Variants in AHCY observed in about 807,000 individuals in gnomAD.
AHCY encodes the protein adenosylhomocysteinase, also known as S-adenosyl-L-homocysteine hydrolase.
A neutral mutation model predicts 45.4 loss-of-function variants in AHCY; 24 were observed. The observed-to-expected ratio is 0.53, with a 90% CI of 0.38 to 0.74. The LOEUF is 0.74. Among genes scored for constraint, AHCY ranks in the 30% least tolerant of loss-of-function variants. AHCY has a pLI of 0.00. For synonymous variants in AHCY, 245 were observed against 235.1 expected, an observed-to-expected ratio of 1.04 and a Z score of -0.39; for missense variants, 449 against 594.1, an observed-to-expected ratio of 0.76 and a Z score of 2.54.
At chr20:34,257,070 C>CTTTTTTTTTTTTTTTTTTTTTTTT in the AHCY span, among the ~76,000 whole-genome samples, 3 of 139,442 alleles carry the variant, frequency 2.2e-5, no homozygotes, top group Non-Finnish European at 3.1e-5. Context: ...CTTTCTTTCT[C>CTTTTTTTTTTTTTTTTTTTTTTTT]TTTTTTTTTT....
chr20:34,288,277 G>C (rs2036253270), intron 8 of AHCY, among the ~76,000 whole-genome samples: 1 of 152,192 alleles, frequency 6.6e-6, no homozygotes, highest in African/African-American at 2.4e-5. Context: ...CTGTGACTGG[G>C]TGGGTGTCAG....
At chr20:34,238,210 A>G in the AHCY span, among the ~76,000 whole-genome samples, 6 of 152,254 alleles carry the variant, frequency 3.9e-5, no homozygotes, top group African/African-American at 1.4e-4. Flanking sequence ...GGAAGTCTTA[A>G]TCAATGTTTC....
At chr20:34,309,899 A>G (rs1286682321) in intron 1 of AHCY, among the ~76,000 whole-genome samples, 1 of 146,684 alleles carries the variant, frequency 6.8e-6, no homozygotes, top group Non-Finnish European at 1.5e-5. Context: ...GGAAGGAGGG[A>G]GGGAGGAAGG....
At chr20:34,298,424 C>G (rs2122800892) in intron 1 of AHCY, among the ~76,000 whole-genome samples, 1 of 152,094 alleles carries the variant, frequency 6.6e-6, no homozygotes, top group Non-Finnish European at 1.5e-5. Flanking sequence ...TGAGGTGTGA[C>G]CAGAAGACAA....
the AHCY span, among the ~76,000 whole-genome samples, chr20:34,240,900 C>T: frequency 6.6e-6 from 1 of 152,132 alleles, no homozygotes; most frequent in East Asian, 1.9e-4. Context: ...GACCACAAGA[C>T]TTCTGGCAAC....
At position 34,285,582 on chromosome 20, in the gene AHCY, C is replaced by A. The variant is rs1057522470; in HGVS notation, c.1025G>T (p.Gly342Val). ...GGCACAACCCAGGTTGACCAGCCGA[C>A]CCTCGGCCAGCAGGATGATGCGGCG... ...NGRRIILLAEGRLVNLGCAMG... is the reference protein window; with the variant it reads ...NGRRIILLAEVRLVNLGCAMG... Residue 342 changes from glycine (G) to valine (V), a missense_variant, in exon 9 of 10, where the codon GGT becomes GTT. Physicochemically the swap from Gly to Val is moderately radical, Grantham distance 109 (BLOSUM62 -3). Transcript: ENST00000217426. 1 of 1,614,140 alleles carries A rather than the reference C, an allele frequency of 6.2e-7. No individual in the cohort carries two copies. The highest frequency in any genetic ancestry group is 8.5e-7 in the Non-Finnish European group (1 of 1,180,028).
At chr20:34,301,510 C>T (rs2036770729) in intron 1 of AHCY, among the ~76,000 whole-genome samples, 1 of 152,212 alleles carries the variant, frequency 6.6e-6, no homozygotes, top group Non-Finnish European at 1.5e-5. Context: ...TCAGTTTCTT[C>T]ATCTGTAAAG....
chr20:34,241,625 G>C, the AHCY span: 2 of 736,416 alleles, frequency 2.7e-6, no homozygotes, highest in Non-Finnish European at 3.3e-6. Context: ...TTGTGGGTCA[G>C]AGTAGTTAAG....
chr20:34,294,742 G>A (rs879826748), intron 2 of AHCY, among the ~76,000 whole-genome samples: 12 of 152,128 alleles, frequency 7.9e-5, no homozygotes, highest in Admixed American at 1.3e-4. Context: ...GAGCGTCAAC[G>A]CCCCCGCTCC....
intron 1 of AHCY, among the ~76,000 whole-genome samples, chr20:34,310,354 C>A (rs1056075405): frequency 6.6e-6 from 1 of 152,142 alleles, no homozygotes; most frequent in Non-Finnish European, 1.5e-5. Context: ...CCACCATGCC[C>A]GGCTGATTAA....
At chr20:34,236,545 C>CAA in the AHCY span, among the ~76,000 whole-genome samples, 1 of 137,064 alleles carries the variant, frequency 7.3e-6, no homozygotes, top group Non-Finnish European at 1.6e-5. Context: ...AACTCTGTCT[C>CAA]AAAAAAAAAA....
rs2035968012 is a variant in AHCY at position 34,280,600 on chromosome 20, C to G, written c.*434G>C. On this transcript the variant is annotated 3_prime_UTR_variant, in exon 10 of 10. Coordinates refer to ENST00000217426, the MANE Select transcript of AHCY (RefSeq NM_000687.4). ...AAATTCAAACAACAGTTCCTCTTTGCCCTTCAATATAGCCCCTTCTCATCT... is the reference window on the plus strand; with the variant it reads ...AAATTCAAACAACAGTTCCTCTTTGGCCTTCAATATAGCCCCTTCTCATCT... The G allele has an allele frequency of 3.9e-6, 1 of 253,674 alleles. No homozygotes were observed. Among genetic ancestry groups the G allele is most frequent in the African/African-American group, 2.2e-5 (1 of 45,450 alleles). The allele number at this position is 253,674 out of a possible 1,614,324, so 15.7% of individuals were successfully genotyped here.
At chr20:34,285,146 C>G (rs1449384782) in intron 9 of AHCY, among the ~76,000 whole-genome samples, 1 of 152,212 alleles carries the variant, frequency 6.6e-6, no homozygotes, top group Non-Finnish European at 1.5e-5. Flanking sequence ...CTGGATTACA[C>G]AGCCTGTAAG....
the AHCY span, among the ~76,000 whole-genome samples, chr20:34,236,004 AAGAG>A: frequency 1.6e-4 from 18 of 111,820 alleles, no homozygotes; most frequent in East Asian, 7.2e-4. Flanking sequence ...AGGAAGGAGA[AAGAG>A]AGAAAGAGAG....
chr20:34,258,108 C>T, the AHCY span, among the ~76,000 whole-genome samples: 5 of 151,760 alleles, frequency 3.3e-5, no homozygotes, highest in East Asian at 7.8e-4. Context: ...CGCACCACTG[C>T]ACTCCATCCT....
the AHCY span, chr20:34,260,570 A>G: frequency 1.3e-6 from 2 of 1,557,036 alleles, no homozygotes; most frequent in South Asian, 1.2e-5. Context: ...GGCCCAGGAG[A>G]GGGGCTGCAG....
upstream of AHCY, chr20:34,303,374 C>A (rs1302616501): frequency 1.7e-5 from 26 of 1,496,186 alleles, no homozygotes; most frequent in East Asian, 3.4e-4. Flanking sequence ...GTGGCGCCGA[C>A]GCCTTTAAAT....
At chr20:34,235,865 GA>G in the AHCY span, among the ~76,000 whole-genome samples, 7,215 of 39,784 alleles carry the variant, frequency 0.18, 1,806 homozygotes, top group African/African-American at 0.6. Context: ...AGGAAGGAAG[GA>G]AAGGAAGGAA....
At chr20:34,294,232 G>C in intron 2 of AHCY, 76 bp from the exon 3 acceptor site, 2 of 1,353,170 alleles carry the variant, frequency 1.5e-6, no homozygotes, top group Non-Finnish European at 2.1e-6. Flanking sequence ...GAGGAAAAGG[G>C]AGAGCTTCGG....
Sources: allele counts gnomAD v4.1 joint callset (sites outside exome capture counted in the v4.1 genomes callset), GRCh38; gene constraint gnomAD v4.1.1; transcripts MANE v1.5; gene names NCBI Gene and HGNC (gene_info 2026-07-23, HGNC 2026-07-21).